The following FLT1 variants were observed in gnomAD, a reference collection of about 807,000 sequenced individuals.
FLT1 encodes the protein fms related receptor tyrosine kinase 1, also known as vascular endothelial growth factor receptor 1.
A neutral mutation model predicts 156.3 loss-of-function variants in FLT1; 49 were observed. The observed-to-expected ratio is 0.31, with a 90% CI of 0.25 to 0.40. The LOEUF (loss-of-function observed/expected upper bound fraction) is 0.40, where lower values mean the gene tolerates loss of function less well. Among genes scored for constraint, FLT1 ranks in the 10% least tolerant of loss-of-function variants. The pLI is 1.00. For synonymous variants in FLT1, 594 were observed against 583.8 expected (o/e 1.02, Z -0.25); for missense variants, 1,322 against 1,637.2 (o/e 0.81, Z 3.32).
At chr13:28,416,467 G>T (rs1247480386) in intron 10 of FLT1, among the ~76,000 whole-genome samples, 1 of 152,208 alleles carries the variant, frequency 6.6e-6, no homozygotes, top group Non-Finnish European at 1.5e-5. Flanking sequence ...TTGATGTTGT[G>T]CTGGAAAGCT....
chr13:28,370,318 T>C (rs149461779), intron 14 of FLT1, among the ~76,000 whole-genome samples: 154 of 152,238 alleles, frequency 1.0e-3, no homozygotes, highest in African/African-American at 3.1e-3. Context: ...AATAGAGTTA[T>C]GATGGGGGGA....
At chr13:28,444,403 T>C (rs1339261872) in intron 3 of FLT1, among the ~76,000 whole-genome samples, 1 of 151,834 alleles carries the variant, frequency 6.6e-6, no homozygotes, top group African/African-American at 2.4e-5. Flanking sequence ...ATCACACCAC[T>C]GCACTCCAGC....
chr13:28,302,369 C>T lies in FLT1; in HGVS notation c.*798G>A. On this transcript the variant is annotated 3_prime_UTR_variant, in exon 30 of 30. Transcript: ENST00000282397. Reference sequence around the variant, plus strand: ...AAAAGTATGGGCTCAGAGTTGAGTGCCACCCTCAGTGCTACAAATCAAAAC... The same window carrying T: ...AAAAGTATGGGCTCAGAGTTGAGTGTCACCCTCAGTGCTACAAATCAAAAC... The T allele has an allele frequency of 4.3e-6, 1 of 233,296 alleles. No homozygotes were observed. Among genetic ancestry groups the T allele is most frequent in the Admixed American group, 5.6e-5 (1 of 17,806 alleles). 14.5% of individuals were successfully genotyped at this position (233,296 alleles called of 1,614,324 possible). A position where few individuals can be genotyped will look rare whatever the true frequency, so the allele number is the denominator to read the frequency against.
chr13:28,364,697 G>A (rs1873225398), intron 14 of FLT1, among the ~76,000 whole-genome samples: 1 of 152,086 alleles, frequency 6.6e-6, no homozygotes, highest in African/African-American at 2.4e-5. Flanking sequence ...TTACCACTAA[G>A]TCGTTGTGCC....
chr13:28,308,948 A>C (rs749167073), intron 27 of FLT1, 21 bp from the exon 28 acceptor site: 1 of 1,483,010 alleles, frequency 6.7e-7, no homozygotes, highest in Non-Finnish European at 9.4e-7. Flanking sequence ...AACAGAAAGA[A>C]TTATCAAGAC....
At chr13:28,475,857 C>T (rs1434760622) in intron 1 of FLT1, among the ~76,000 whole-genome samples, 1 of 152,160 alleles carries the variant, frequency 6.6e-6, no homozygotes, top group African/African-American at 2.4e-5. Context: ...AGGGCCCATG[C>T]TTTGATGAAG....
At chr13:28,422,028 C>T (rs1877036137) in intron 10 of FLT1, among the ~76,000 whole-genome samples, 1 of 152,148 alleles carries the variant, frequency 6.6e-6, no homozygotes, top group Admixed American at 6.5e-5. Flanking sequence ...TAAGTAATCA[C>T]CAAATATGTT....
chr13:28,392,070 A>G (rs1490944131), intron 12 of FLT1, among the ~76,000 whole-genome samples: 2 of 152,194 alleles, frequency 1.3e-5, no homozygotes, highest in Admixed American at 6.5e-5. Context: ...CCAAAATTAG[A>G]TATCATATCA....
rs573085334 is a variant in FLT1 at position 28,332,805 on chromosome 13, T to A, written c.2593+1220A>T. ...TAAGAAAAATGGCTGTTTTGTGTGG[T>A]TCAGCCTAATAAGTGAAAGTATCTA... On this transcript the variant is annotated intron_variant, in intron 18 of 29. Transcript: ENST00000282397. 1.9e-3 allele frequency among the ~76,000 whole-genome samples: 286 copies of A among 152,326 alleles called. 2 individuals carry two copies. Among genetic ancestry groups the A allele is most frequent in the Non-Finnish European group, 3.6e-3 (244 of 68,030 alleles).
Position 28,303,502 on chromosome 13 carries a change from CCT to C in FLT1, c.3816-136_3816-135del, listed in dbSNP as rs1555297842. 361 of 770,260 alleles carry C rather than the reference CCT, an allele frequency of 4.7e-4. 1 individual carries two copies. Among genetic ancestry groups the C allele is most frequent in the African/African-American group, 1.6e-3 (91 of 57,634 alleles). 47.7% of individuals were successfully genotyped at this position (770,260 alleles called of 1,614,324 possible). On this transcript the variant is annotated intron_variant, in intron 29 of 29. Transcript: ENST00000282397. Reference sequence around the variant, plus strand: ...GTTCATGGTTTTGGAACCCCCCCCCCCTCAATTGCTGTCAGATTTCCTCTGTT... The same window carrying C: ...GTTCATGGTTTTGGAACCCCCCCCCCCAATTGCTGTCAGATTTCCTCTGTT...
chr13:28,422,113 TAATA>T (rs891264456), intron 10 of FLT1, among the ~76,000 whole-genome samples: 4 of 152,266 alleles, frequency 2.6e-5, no homozygotes, highest in Non-Finnish European at 5.9e-5. Flanking sequence ...GGTTGGTGCC[TAATA>T]AATATTTGTG....
intron 1 of FLT1, among the ~76,000 whole-genome samples, chr13:28,481,057 A>T (rs1880811530): frequency 1.3e-5 from 2 of 152,330 alleles, no homozygotes; most frequent in South Asian, 4.1e-4. Context: ...AAATGTTCTC[A>T]TTCCAGGTGA....
intron 15 of FLT1, among the ~76,000 whole-genome samples, chr13:28,355,212 T>G (rs1216363831): frequency 6.6e-6 from 1 of 152,242 alleles, no homozygotes; most frequent in Non-Finnish European, 1.5e-5. Flanking sequence ...ATAGTCATTG[T>G]GCGACTTTGG....
intron 15 of FLT1, among the ~76,000 whole-genome samples, chr13:28,350,486 G>A (rs533705410): frequency 2.0e-5 from 3 of 152,210 alleles, no homozygotes; most frequent in African/African-American, 4.8e-5. Context: ...AGTGTCCTGA[G>A]CTTTCCTGAT....
intron 1 of FLT1, among the ~76,000 whole-genome samples, chr13:28,474,417 T>C (rs1880422153): frequency 6.6e-6 from 1 of 151,580 alleles, no homozygotes; most frequent in South Asian, 2.1e-4. Context: ...ATTGCACCAC[T>C]GCACTCCAGC....
Position 28,329,597 on chromosome 13 carries a change from C to T in FLT1, c.2707+18G>A. On this transcript the variant is annotated intron_variant, in intron 19 of 29. Transcript: ENST00000282397. The stretch of plus-strand genomic sequence containing the variant: ...CTGTGCAGGGGGAGACGGAGCCGGC[C>T]CTCCCCTTCTCCATTACCTCCTTGC... 2 of 1,555,326 alleles carry T rather than the reference C, an allele frequency of 1.3e-6. No homozygotes were observed. The highest frequency in any genetic ancestry group is 1.8e-6 in the Non-Finnish European group (2 of 1,126,640).
At chr13:28,391,729 TC>T (rs765974693) in intron 12 of FLT1, among the ~76,000 whole-genome samples, 3 of 152,156 alleles carry the variant, frequency 2.0e-5, no homozygotes, top group Non-Finnish European at 4.4e-5. Context: ...CATCTCCATC[TC>T]CCAGGTGTCT....
intron 1 of FLT1, among the ~76,000 whole-genome samples, chr13:28,480,708 C>A (rs1268930709): frequency 6.6e-6 from 1 of 152,208 alleles, no homozygotes; most frequent in Non-Finnish European, 1.5e-5. Context: ...CTCTTGTTTT[C>A]CTCAGCCTCT....
chr13:28,472,954 A>T (rs1880257095), intron 1 of FLT1, among the ~76,000 whole-genome samples: 1 of 152,218 alleles, frequency 6.6e-6, no homozygotes, highest in African/African-American at 2.4e-5. Context: ...CTGAATAGAC[A>T]CCTTCCCAAA....
Sources: allele counts gnomAD v4.1 joint callset (sites outside exome capture counted in the v4.1 genomes callset), GRCh38; gene constraint gnomAD v4.1.1; transcripts MANE v1.5; gene names NCBI Gene and HGNC (gene_info 2026-07-23, HGNC 2026-07-21).